EFNA5: variants seen among roughly 807,000 people sequenced by gnomAD.
The protein encoded by EFNA5 is ephrin A5, also known as ephrin-A5.
EFNA5 carries 5 observed loss-of-function variants against 22.9 expected under a neutral mutation model. The ratio of observed to expected loss-of-function variants is 0.22; its 90% CI spans 0.11 to 0.46. The LOEUF is 0.46. Among genes scored for constraint, EFNA5 ranks in the 20% least tolerant of loss-of-function variants. The pLI is 0.99. For synonymous variants in EFNA5, 113 were observed against 112.2 expected, an observed-to-expected ratio of 1.01 and a Z score of -0.04; for missense variants, 237 against 293.3, an observed-to-expected ratio of 0.81 and a Z score of 1.40.
intron 1 of EFNA5, among the ~76,000 whole-genome samples, chr5:107,509,357 C>T (rs574352790): frequency 2.7e-5 from 4 of 150,512 alleles, no homozygotes; most frequent in East Asian, 3.9e-4. Context: ...CTCACCCTGT[C>T]GCCCAGGCTG....
intron 1 of EFNA5, among the ~76,000 whole-genome samples, chr5:107,569,505 A>ATATTTATATATGTGTGTATATATATT (rs1748735938): frequency 2.9e-5 from 4 of 136,388 alleles, no homozygotes; most frequent in South Asian, 2.2e-4. Flanking sequence ...ATGTGTATAT[A>ATATTTATATATGTGTGTATATATATT]TATTTATATA....
chr5:107,437,950 C>G (rs908354637), intron 1 of EFNA5, among the ~76,000 whole-genome samples: 1 of 152,154 alleles, frequency 6.6e-6, no homozygotes, highest in Middle Eastern at 3.2e-3. Context: ...GCACCTAAGG[C>G]AGAATGAAAG....
chr5:107,582,882 T>C (rs1400049548), intron 1 of EFNA5, among the ~76,000 whole-genome samples: 1 of 152,170 alleles, frequency 6.6e-6, no homozygotes, highest in African/African-American at 2.4e-5. Context: ...GATAGAAGAT[T>C]AGCTTTTCAC....
rs147297219 is a variant in EFNA5 at position 107,592,891 on chromosome 5, C to G, written c.125+77598G>C. 5.3e-5 allele frequency among the ~76,000 whole-genome samples: 8 copies of G among 152,220 alleles called. No homozygotes were observed. In the East Asian group the frequency reaches 5.8e-4, roughly 11 times the overall value. On this transcript the variant is annotated intron_variant, in intron 1 of 4. Transcript: ENST00000333274. The stretch of plus-strand genomic sequence containing the variant: ...TCTGCGAAGGAATTCAGCTCACAAG[C>G]CATAGTGGAGACAGGAAAAGCCAAG...
At chr5:107,490,524 T>C (rs1048148927) in intron 1 of EFNA5, among the ~76,000 whole-genome samples, 2 of 152,208 alleles carry the variant, frequency 1.3e-5, no homozygotes, top group Non-Finnish European at 2.9e-5. Flanking sequence ...ATCTCTTGCA[T>C]CCTCACCCTG....
intron 2 of EFNA5, among the ~76,000 whole-genome samples, chr5:107,400,222 A>G (rs1229424361): frequency 1.3e-5 from 2 of 152,154 alleles, no homozygotes; most frequent in Non-Finnish European, 2.9e-5. Context: ...CCTTATATAT[A>G]GAATAAAACA....
chr5:107,504,560 A>G (rs753107143), intron 1 of EFNA5, among the ~76,000 whole-genome samples: 18 of 152,206 alleles, frequency 1.2e-4, no homozygotes, highest in Non-Finnish European at 2.6e-4. Context: ...TGAGCTGCAG[A>G]ATAAACTAAT....
chr5:107,517,805 T>G (rs1322188635), intron 1 of EFNA5, among the ~76,000 whole-genome samples: 2 of 152,246 alleles, frequency 1.3e-5, no homozygotes, highest in African/African-American at 2.4e-5. Context: ...AAACACATTC[T>G]TAAGGATCTA....
At chr5:107,477,479 G>T (rs546863320) in intron 1 of EFNA5, among the ~76,000 whole-genome samples, 1 of 152,306 alleles carries the variant, frequency 6.6e-6, no homozygotes, top group South Asian at 2.1e-4. Context: ...AGGTATTACT[G>T]CTCTAGAAAA....
intron 1 of EFNA5, among the ~76,000 whole-genome samples, chr5:107,575,246 A>G (rs981382624): frequency 6.6e-6 from 1 of 152,216 alleles, no homozygotes; most frequent in African/African-American, 2.4e-5. Flanking sequence ...TCTTTAAGTA[A>G]TCAGGAAAAA....
intron 1 of EFNA5, among the ~76,000 whole-genome samples, chr5:107,581,894 A>T (rs1159722164): frequency 6.6e-6 from 1 of 152,248 alleles, no homozygotes; most frequent in Non-Finnish European, 1.5e-5. Flanking sequence ...TTTTAGCTAC[A>T]CGTTGCAGGT....
chr5:107,551,344 C>T (rs1186845932), intron 1 of EFNA5, among the ~76,000 whole-genome samples: 13 of 152,166 alleles, frequency 8.5e-5, no homozygotes, highest in Admixed American at 8.5e-4. Context: ...CGATCTCTGC[C>T]ACAGACAATC....
intron 1 of EFNA5, among the ~76,000 whole-genome samples, chr5:107,626,118 C>A (rs1750136150): frequency 6.6e-6 from 1 of 152,150 alleles, no homozygotes; most frequent in Non-Finnish European, 1.5e-5. Context: ...CTGGCTGCAC[C>A]TAGGTACTGG....
chr5:107,493,059 A>G (rs1246771882), intron 1 of EFNA5, among the ~76,000 whole-genome samples: 1 of 152,096 alleles, frequency 6.6e-6, no homozygotes, highest in Non-Finnish European at 1.5e-5. Context: ...GGAAAGCTAA[A>G]AAAATGCTTA....
At chr5:107,499,470 C>T (rs1166998358) in intron 1 of EFNA5, among the ~76,000 whole-genome samples, 2 of 152,194 alleles carry the variant, frequency 1.3e-5, no homozygotes, top group Non-Finnish European at 2.9e-5. Flanking sequence ...GCACATACTA[C>T]CAAGCATGGT....
chr5:107,438,393 G>C (rs189764075), intron 1 of EFNA5, among the ~76,000 whole-genome samples: 261 of 152,246 alleles, frequency 1.7e-3, no homozygotes, highest in Middle Eastern at 6.8e-3. Context: ...TATCACATTG[G>C]CAGAAACATC....
intron 1 of EFNA5, among the ~76,000 whole-genome samples, chr5:107,578,165 T>C (rs1289610529): frequency 6.6e-6 from 1 of 152,300 alleles, no homozygotes; most frequent in South Asian, 2.1e-4. Context: ...TCAACAAGAA[T>C]TTATTAAATG....
intron 1 of EFNA5, among the ~76,000 whole-genome samples, chr5:107,533,245 C>A (rs964340179): frequency 1.3e-5 from 2 of 152,124 alleles, no homozygotes; most frequent in Admixed American, 1.3e-4. Flanking sequence ...TCACTGCTCT[C>A]GATATGAAGC....
At chr5:107,591,876 TATATAATATATATA>T (rs1326572245) in intron 1 of EFNA5, among the ~76,000 whole-genome samples, 1 of 35,492 alleles carries the variant, frequency 2.8e-5, no homozygotes, top group Non-Finnish European at 4.6e-5. Context: ...ATATATATAA[TATATAATATATATA>T]TTATATATAA....
Sources: gnomAD v4.1 joint callset for allele counts (sites outside exome capture counted in the v4.1 genomes callset) on GRCh38, gnomAD v4.1.1 for gene constraint, MANE v1.5 for transcripts, NCBI Gene and HGNC (gene_info 2026-07-23, HGNC 2026-07-21) for gene names.